Variants in TNFRSF1B observed in about 807,000 individuals in gnomAD.
The protein encoded by TNFRSF1B is TNF receptor superfamily member 1B.
In TNFRSF1B, 19 loss-of-function variants were observed where a neutral mutation model predicts 44.6. The ratio of observed to expected loss-of-function variants is 0.43; its 90% CI spans 0.30 to 0.62. The LOEUF is 0.62. Ranked by LOEUF, TNFRSF1B falls within the 20% of genes least tolerant of loss-of-function variation. The pLI, the probability that TNFRSF1B is intolerant of heterozygous loss-of-function variation, is 0.16. For missense variants in TNFRSF1B, 541 were observed against 619.9 expected, an observed-to-expected ratio of 0.87 and a Z score of 1.35; for synonymous variants, 252 against 261.1, an observed-to-expected ratio of 0.97 and a Z score of 0.34.
chr1:12,166,994 C>T lies in TNFRSF1B; in HGVS notation c.-98C>T, dbSNP rs963699077. The stretch of plus-strand genomic sequence containing the variant: ...TGGGGCGCGGGCTTTCGCTTTCAGT[C>T]GAGGGCTAGCGAGCGCAGCGGAGCC... On this transcript the variant is annotated 5_prime_UTR_variant, in exon 1 of 10. Transcript: ENST00000376259. The T allele has an allele frequency of 5.1e-6, 5 of 982,928 alleles. No individual in the cohort carries two copies. The highest frequency in any genetic ancestry group is 6.6e-6 in the Non-Finnish European group (5 of 762,178). 60.9% of individuals were successfully genotyped at this position (982,928 alleles called of 1,614,324 possible). A position where few individuals can be genotyped will look rare whatever the true frequency, so the allele number is the denominator to read the frequency against.
chr1:12,195,961 A>G (rs1262486105), intron 8 of TNFRSF1B, among the ~76,000 whole-genome samples: 2 of 152,200 alleles, frequency 1.3e-5, no homozygotes, highest in East Asian at 1.9e-4. Context: ...TGGGAAACAC[A>G]GTGAGACCCT....
chr1:12,172,048 A>G (rs922330701), intron 1 of TNFRSF1B, among the ~76,000 whole-genome samples: 1 of 152,052 alleles, frequency 6.6e-6, no homozygotes, highest in Non-Finnish European at 1.5e-5. Context: ...TCCTCTCCCC[A>G]AATTGCTCAC....
chr1:12,206,614 A>G, intron 9 of TNFRSF1B, 126 bp from the exon 10 acceptor site: 1 of 1,035,928 alleles, frequency 9.7e-7, no homozygotes, highest in East Asian at 2.6e-5. Context: ...GCTGGGCTAG[A>G]ATCTTGGTCT....
chr1:12,193,549 G>A (rs1016226237), intron 6 of TNFRSF1B, among the ~76,000 whole-genome samples: 2 of 152,192 alleles, frequency 1.3e-5, no homozygotes, highest in African/African-American at 4.8e-5. Flanking sequence ...CTCCAGCCTG[G>A]GCAATGAGTG....
chr1:12,197,982 G>A (rs1012949747), intron 8 of TNFRSF1B, among the ~76,000 whole-genome samples: 2 of 152,104 alleles, frequency 1.3e-5, no homozygotes, highest in Admixed American at 6.6e-5. Context: ...AAAATTAGCC[G>A]GGCGTGGTGG....
Position 12,167,023 on chromosome 1 carries a change from A to C in TNFRSF1B, c.-69A>C, listed in dbSNP as rs1452578966. The C allele has an allele frequency of 1.8e-6, 2 of 1,120,456 alleles. No individual in the cohort carries two copies. Among genetic ancestry groups the C allele is most frequent in the African/African-American group, 3.3e-5 (2 of 61,182 alleles). The allele number at this position is 1,120,456 out of a possible 1,614,324, so 69.4% of individuals were successfully genotyped here. The stretch of plus-strand genomic sequence containing the variant: ...GGCTAGCGAGCGCAGCGGAGCCTGG[A>C]GAGAAGGCGCTGGGCTGCGAGGGCG... On this transcript the variant is annotated 5_prime_UTR_variant, in exon 1 of 10. Transcript: ENST00000376259.
intron 6 of TNFRSF1B, 92 bp from the exon 7 acceptor site, chr1:12,193,863 C>T (rs980147628): frequency 6.3e-5 from 61 of 963,758 alleles, no homozygotes; most frequent in Middle Eastern, 2.1e-4. Flanking sequence ...TGCAATGACC[C>T]GAAGCACCTT....
At position 12,207,067 on chromosome 1, in the gene TNFRSF1B, G is replaced by A. The variant is rs760912981; in HGVS notation, c.*47G>A. On this transcript the variant is annotated 3_prime_UTR_variant, in exon 10 of 10. Transcript: ENST00000376259. Reference sequence around the variant, plus strand: ...CGTAGCCAAGGTGGGCTGAGCCCTGGCAGGATGACCCTGCGAAGGGGCCCT... The same window carrying A: ...CGTAGCCAAGGTGGGCTGAGCCCTGACAGGATGACCCTGCGAAGGGGCCCT... The A allele has an allele frequency of 3.3e-6, 5 of 1,516,368 alleles. No individual in the cohort carries two copies. The highest frequency in any genetic ancestry group is 4.4e-6 in the Non-Finnish European group (5 of 1,129,708). The allele number at this position is 1,516,368 out of a possible 1,614,324, so 93.9% of individuals were successfully genotyped here. A position where few individuals can be genotyped will look rare whatever the true frequency, so the allele number is the denominator to read the frequency against.
Position 12,207,174 on chromosome 1 carries a change from C to G in TNFRSF1B, c.*154C>G. 1.4e-6 allele frequency: 1 copy of G among 727,362 alleles called. No individual in the cohort carries two copies. Among genetic ancestry groups the G allele is most frequent in the South Asian group, 2.9e-5 (1 of 33,930 alleles). The allele number at this position is 727,362 out of a possible 1,614,324, so 45.1% of individuals were successfully genotyped here. A position where few individuals can be genotyped will look rare whatever the true frequency, so the allele number is the denominator to read the frequency against. ...CTAGTGCCCTCCACAGCCGCAGCCTCCCTCTGACCTGCAGGCCAAGAGCAG... is the reference window on the plus strand; with the variant it reads ...CTAGTGCCCTCCACAGCCGCAGCCTGCCTCTGACCTGCAGGCCAAGAGCAG... On this transcript the variant is annotated 3_prime_UTR_variant, in exon 10 of 10. Coordinates refer to ENST00000376259, the MANE Select transcript of TNFRSF1B (RefSeq NM_001066.3).
At chr1:12,194,674 T>G in intron 8 of TNFRSF1B, 56 bp downstream of exon 8, 1 of 1,594,404 alleles carries the variant, frequency 6.3e-7, no homozygotes, top group Non-Finnish European at 8.6e-7. Flanking sequence ...CCCGGCGTGC[T>G]GGGCTGTCAC....
At chr1:12,185,475 T>G (rs1248279729) in intron 1 of TNFRSF1B, among the ~76,000 whole-genome samples, 1 of 152,038 alleles carries the variant, frequency 6.6e-6, no homozygotes, top group Non-Finnish European at 1.5e-5. Flanking sequence ...AGGCTTCTCC[T>G]TTTGTCTAGG....
At position 12,187,428 on chromosome 1, in the gene TNFRSF1B, C is replaced by T. The variant is rs1285102597; in HGVS notation, c.79-1368C>T. Reference sequence around the variant, plus strand: ...TCGGCCTCCCAAAGTGCTGGGATTACAGGTGTGAGCCACCACACCTGGCCC... The same window carrying T: ...TCGGCCTCCCAAAGTGCTGGGATTATAGGTGTGAGCCACCACACCTGGCCC... On this transcript the variant is annotated intron_variant, in intron 1 of 9. Coordinates refer to ENST00000376259, the MANE Select transcript of TNFRSF1B (RefSeq NM_001066.3). The surrounding 1 kb of genome is among the most constrained non-coding windows in gnomAD (Gnocchi z 5.5). Among the ~76,000 whole-genome samples, 1 of 152,224 alleles carries T rather than the reference C, an allele frequency of 6.6e-6. No homozygotes were observed. The highest frequency in any genetic ancestry group is 2.4e-5 in the African/African-American group (1 of 41,462).
chr1:12,191,660 G>A, intron 3 of TNFRSF1B, 114 bp from the exon 4 acceptor site: 1 of 1,371,178 alleles, frequency 7.3e-7, no homozygotes, highest in South Asian at 1.3e-5. Flanking sequence ...CCATGCTGAG[G>A]CGGTCCGCCA....
intron 1 of TNFRSF1B, 137 bp from the exon 2 acceptor site, chr1:12,188,659 G>A: frequency 1.3e-6 from 1 of 768,214 alleles, no homozygotes; most frequent in Non-Finnish European, 2.1e-6. Flanking sequence ...GCTCCAGGGG[G>A]AGAAACCTCC....
Position 12,180,167 on chromosome 1 carries a change from C to T in TNFRSF1B, c.79-8629C>T, listed in dbSNP as rs576019048. On this transcript the variant is annotated intron_variant, in intron 1 of 9. Transcript: ENST00000376259. This position sits in a 1 kb window ranked among gnomAD's most constrained non-coding sequence, Gnocchi z 4.3. ...CATGAAGGCCGGGCACAGCGGCTCA[C>T]GCCTGTAATCCCAGCACTTTGGGAG... Among the ~76,000 whole-genome samples, 7 of 152,272 alleles carry T rather than the reference C, an allele frequency of 4.6e-5. No homozygotes were observed. The East Asian group carries it at 7.8e-4, about 17-fold the overall frequency.
intron 1 of TNFRSF1B, among the ~76,000 whole-genome samples, chr1:12,183,609 CTATCTGTT>C (rs141716486): frequency 0.11 from 16,804 of 150,192 alleles, 1,191 homozygotes; most frequent in South Asian, 0.19. Flanking sequence ...ATCTATCTAT[CTATCTGTT>C]TGTCTGTCTG....
intron 8 of TNFRSF1B, among the ~76,000 whole-genome samples, chr1:12,196,533 A>T (rs1456822756): frequency 6.6e-6 from 1 of 152,152 alleles, no homozygotes; most frequent in African/African-American, 2.4e-5. Flanking sequence ...TGGGCAGCCC[A>T]ATACCCGAAG....
chr1:12,208,680 G>C lies in TNFRSF1B; in HGVS notation c.*1660G>C, dbSNP rs1286173448. On this transcript the variant is annotated 3_prime_UTR_variant, in exon 10 of 10. Coordinates refer to ENST00000376259, the MANE Select transcript of TNFRSF1B (RefSeq NM_001066.3). ...CATGAAATTGTCTAGCAGAGCAGGG[G>C]CAGGGTGATAAATTGTTGATAAATT... The C allele has an allele frequency of 6.6e-6, 1 of 152,344 alleles. No homozygotes were observed. Among genetic ancestry groups the C allele is most frequent in the Non-Finnish European group, 1.5e-5 (1 of 68,108 alleles). The allele number at this position is 152,344 out of a possible 1,614,324, so 9.4% of individuals were successfully genotyped here.
At chr1:12,167,458 G>T (rs1416044619) in intron 1 of TNFRSF1B, 1 of 430,608 alleles carries the variant, frequency 2.3e-6, no homozygotes, top group Non-Finnish European at 4.2e-6. Flanking sequence ...GCGCAGGCCG[G>T]GGCATTTGGG....
Sources: gnomAD v4.1 joint callset for allele counts (sites outside exome capture counted in the v4.1 genomes callset) on GRCh38, gnomAD v4.1.1 for gene constraint, Gnocchi (gnomAD v3.1) non-coding constraint, MANE v1.5 for transcripts, NCBI Gene and HGNC (gene_info 2026-07-23, HGNC 2026-07-21) for gene names.